Variants in PTPRG observed in about 807,000 individuals in gnomAD.
PTPRG encodes protein tyrosine phosphatase receptor type G.
PTPRG carries 102 observed loss-of-function variants against 165.3 expected under a neutral mutation model. That is an observed-to-expected ratio of 0.62 (90% CI 0.53 to 0.73). PTPRG has a LOEUF of 0.73. Ranked by LOEUF, PTPRG falls within the 30% of genes least tolerant of loss-of-function variation. The pLI is 0.00. For missense variants in PTPRG, 1,866 were observed against 1,861.4 expected, an observed-to-expected ratio of 1.00 and a Z score of -0.05; for synonymous variants, 675 against 669.5, an observed-to-expected ratio of 1.01 and a Z score of -0.13.
chr3:61,706,573 C>G (rs944123794), intron 1 of PTPRG, among the ~76,000 whole-genome samples: 3 of 151,706 alleles, frequency 2.0e-5, no homozygotes, highest in African/African-American at 7.3e-5. Context: ...GGCTCACTGC[C>G]ACCTCCGCCT....
chr3:61,754,907 T>A (rs2106940693), intron 2 of PTPRG, among the ~76,000 whole-genome samples: 1 of 152,286 alleles, frequency 6.6e-6, no homozygotes, highest in South Asian at 2.1e-4. Context: ...TATTTGCCTC[T>A]CTCCTAAAGC....
chr3:61,818,289 A>G (rs576195134), intron 2 of PTPRG, among the ~76,000 whole-genome samples: 1 of 152,330 alleles, frequency 6.6e-6, no homozygotes, highest in Non-Finnish European at 1.5e-5. Flanking sequence ...AATGTGATAG[A>G]TGGTATGAAA....
In PTPRG at chr3:61,582,341, A is replaced by G. The variant is rs115470740; in HGVS notation, c.85+19969A>G. On this transcript the variant is annotated intron_variant, in intron 1 of 29. Coordinates refer to ENST00000474889, the MANE Select transcript of PTPRG (RefSeq NM_002841.4). ...ATATCATATATTCATACATGTCATT[A>G]TATCTAAATGATAAAAATCACAAGA... 3.9e-5 allele frequency among the ~76,000 whole-genome samples: 6 copies of G among 152,272 alleles called. No homozygotes were observed. The East Asian group carries it at 1.2e-3, about 29-fold the overall frequency.
At chr3:62,047,823 C>T (rs1345083513) in intron 4 of PTPRG, among the ~76,000 whole-genome samples, 5 of 152,148 alleles carry the variant, frequency 3.3e-5, no homozygotes, top group South Asian at 2.1e-4. Flanking sequence ...ATCAGCTTTT[C>T]TCTTCCTTTC....
At chr3:61,640,056 A>G (rs951387438) in intron 1 of PTPRG, among the ~76,000 whole-genome samples, 1 of 152,190 alleles carries the variant, frequency 6.6e-6, no homozygotes, top group Non-Finnish European at 1.5e-5. Flanking sequence ...TACAGACACT[A>G]CGTTTCTCTT....
rs542826604 is a variant in PTPRG at position 61,801,897 on chromosome 3, C to T, written c.190+52915C>T. ...AAAATTAGCTGGCCGTGGTGGCGTG[C>T]GCCTGTAGTCCCAGCTACTCAGGAG... On this transcript the variant is annotated intron_variant, in intron 2 of 29. Transcript: ENST00000474889. Among the ~76,000 whole-genome samples, 10 of 152,054 alleles carry T rather than the reference C, an allele frequency of 6.6e-5. No individual in the cohort carries two copies. The South Asian group carries it at 1.2e-3, about 19-fold the overall frequency.
intron 2 of PTPRG, among the ~76,000 whole-genome samples, chr3:61,785,327 A>T (rs1393369523): frequency 1.3e-5 from 2 of 152,234 alleles, no homozygotes; most frequent in Non-Finnish European, 2.9e-5. Context: ...CTATCTAGAA[A>T]AATTAAACCG....
chr3:61,893,337 C>G (rs1386325286), intron 2 of PTPRG, among the ~76,000 whole-genome samples: 2 of 152,204 alleles, frequency 1.3e-5, no homozygotes, highest in Non-Finnish European at 1.5e-5. Flanking sequence ...AAAATAGCCA[C>G]TATAAATTGA....
intron 7 of PTPRG, 71 bp from the exon 8 acceptor site, chr3:62,167,900 G>C: frequency 6.8e-7 from 1 of 1,462,334 alleles, no homozygotes; most frequent in Non-Finnish European, 9.5e-7. Flanking sequence ...GGACCAAATA[G>C]CTTTTCTAAT....
rs530565343 is a variant in PTPRG, at chr3:61,868,867, A to G, written c.190+119885A>G. On this transcript the variant is annotated intron_variant, in intron 2 of 29. Coordinates refer to ENST00000474889, the MANE Select transcript of PTPRG (RefSeq NM_002841.4). ...CATGTTTAATTCAATGTGCGCATTT[A>G]TAACAAGGTCTGATTTGATGACTTG... Among the ~76,000 whole-genome samples, 3 of 150,590 alleles carry G rather than the reference A, an allele frequency of 2.0e-5. No individual in the cohort carries two copies. In the South Asian group the frequency reaches 6.3e-4, roughly 31 times the overall value.
rs896228530 is a variant in PTPRG at position 62,273,520 on chromosome 3, C to T, written c.3319-178C>T. ...GAGCTAAACTTAACACAGTCTCTAC[C>T]GTAAAATAAGTTAAGACTGATAAAG... is the stretch of plus-strand genomic sequence containing the variant. On this transcript the variant is annotated intron_variant, in intron 22 of 29. Coordinates refer to ENST00000474889, the MANE Select transcript of PTPRG (RefSeq NM_002841.4). This position sits in a 1 kb window ranked among gnomAD's most constrained non-coding sequence, Gnocchi z 4.1. Among the ~76,000 whole-genome samples the T allele has an allele frequency of 5.3e-5, 8 of 152,072 alleles. No individual in the cohort carries two copies. Among genetic ancestry groups the T allele is most frequent in the African/African-American group, 7.2e-5 (3 of 41,424 alleles).
At chr3:61,623,399 G>A (rs1023630705) in intron 1 of PTPRG, among the ~76,000 whole-genome samples, 1 of 152,196 alleles carries the variant, frequency 6.6e-6, no homozygotes, top group African/African-American at 2.4e-5. Flanking sequence ...AGAGAAATCG[G>A]GGGGAAGGAC....
chr3:61,784,760 ATTACAAT>A (rs1170482879), intron 2 of PTPRG, among the ~76,000 whole-genome samples: 5 of 152,246 alleles, frequency 3.3e-5, no homozygotes, highest in African/African-American at 1.2e-4. Context: ...CTCATTATGA[ATTACAAT>A]TCTTTTAAAG....
chr3:61,671,339 C>A (rs1559549632), intron 1 of PTPRG, among the ~76,000 whole-genome samples: 1 of 151,764 alleles, frequency 6.6e-6, no homozygotes, highest in Non-Finnish European at 1.5e-5. Context: ...GTGGTGATGA[C>A]TCGTAAGGAG....
At chr3:61,798,519 C>G (rs988985224) in intron 2 of PTPRG, among the ~76,000 whole-genome samples, 4 of 152,022 alleles carry the variant, frequency 2.6e-5, no homozygotes, top group Non-Finnish European at 5.9e-5. Flanking sequence ...AAACATTTCC[C>G]TGAAAGGAAT....
intron 2 of PTPRG, among the ~76,000 whole-genome samples, chr3:61,817,701 T>A (rs555701529): frequency 6.6e-6 from 1 of 152,308 alleles, no homozygotes; most frequent in East Asian, 1.9e-4. Flanking sequence ...TCAAATCAGC[T>A]GCATATTGCA....
At chr3:61,576,995 A>C (rs1382367553) in intron 1 of PTPRG, among the ~76,000 whole-genome samples, 1 of 152,116 alleles carries the variant, frequency 6.6e-6, no homozygotes, top group Non-Finnish European at 1.5e-5. Flanking sequence ...TAGCTATTTA[A>C]GTAAGTGTTA....
intron 1 of PTPRG, among the ~76,000 whole-genome samples, chr3:61,705,476 A>G (rs927591231): frequency 6.6e-6 from 1 of 152,258 alleles, no homozygotes; most frequent in Admixed American, 6.5e-5. Context: ...AAGTAGCTAA[A>G]TAACTTTTAA....
chr3:61,988,953 C>G (rs1158482686), intron 2 of PTPRG, among the ~76,000 whole-genome samples: 1 of 152,054 alleles, frequency 6.6e-6, no homozygotes, highest in Non-Finnish European at 1.5e-5. Context: ...CATATGTCCC[C>G]CCAAATTCTT....
Sources: gnomAD v4.1 joint callset for allele counts (sites outside exome capture counted in the v4.1 genomes callset) on GRCh38, gnomAD v4.1.1 for gene constraint, Gnocchi (gnomAD v3.1) non-coding constraint, MANE v1.5 for transcripts, NCBI Gene and HGNC (gene_info 2026-07-23, HGNC 2026-07-21) for gene names.